The following RBMS2 variants were observed in gnomAD, a reference collection of about 807,000 sequenced individuals.
RBMS2 encodes RNA binding motif single stranded interacting protein 2, also known as RNA-binding motif, single-stranded-interacting protein 2.
In RBMS2, 38 loss-of-function variants were observed where a neutral mutation model predicts 58.4. That is an observed-to-expected ratio of 0.65 (90% CI 0.50 to 0.85). RBMS2 has a LOEUF of 0.85. RBMS2 is among the 40% of genes least tolerant of loss of function. The probability of loss-of-function intolerance (pLI) is 0.00; values close to 1 mark genes in which losing one functional copy is unlikely to be tolerated. For missense variants in RBMS2, 367 were observed against 503.7 expected (o/e 0.73, Z 2.60); for synonymous variants, 151 against 180.7 (o/e 0.84, Z 1.32).
At chr12:56,534,796 C>A (rs1218440115) in intron 1 of RBMS2, among the ~76,000 whole-genome samples, 1 of 152,092 alleles carries the variant, frequency 6.6e-6, no homozygotes, top group East Asian at 1.9e-4. Context: ...CGCCCGCCAC[C>A]ATGCCCGGCT....
Position 56,589,350 on chromosome 12 carries a change from A to T in RBMS2, c.*217A>T. 8.2e-7 allele frequency: 1 copy of T among 1,222,118 alleles called. No individual in the cohort carries two copies. The allele number at this position is 1,222,118 out of a possible 1,614,324, so 75.7% of individuals were successfully genotyped here. Reference sequence around the variant, plus strand: ...GCTGATGGAGCCTGGGGGAACCATCACTTTTTTTGTGTGCTACATTCAAGG... The same window carrying T: ...GCTGATGGAGCCTGGGGGAACCATCTCTTTTTTTGTGTGCTACATTCAAGG... On this transcript the variant is annotated 3_prime_UTR_variant, in exon 14 of 14. Coordinates refer to ENST00000262031, the MANE Select transcript of RBMS2 (RefSeq NM_002898.4).
Position 56,588,223 on chromosome 12 carries a change from T to A in RBMS2, c.1063-71T>A. On this transcript the variant is annotated intron_variant, in intron 11 of 13. Transcript: ENST00000262031. Reference sequence around the variant, plus strand: ...AGAATACAGGTGTCAGTATTTTTTTTAAAGCCCCTCAGCTGCTTCAAATGT... The same window carrying A: ...AGAATACAGGTGTCAGTATTTTTTTAAAAGCCCCTCAGCTGCTTCAAATGT... 5.7e-6 allele frequency: 7 copies of A among 1,237,562 alleles called. No homozygotes were observed. The Admixed American group carries it at 7.2e-5, about 13-fold the overall frequency. The allele number at this position is 1,237,562 out of a possible 1,614,324, so 76.7% of individuals were successfully genotyped here.
At chr12:56,577,426 TAAATA>T (rs549932242) in intron 5 of RBMS2, among the ~76,000 whole-genome samples, 200 of 150,100 alleles carry the variant, frequency 1.3e-3, no homozygotes, top group Non-Finnish European at 2.0e-3. Flanking sequence ...ATAATAATAA[TAAATA>T]AAATAAAATA....
At chr12:56,566,519 G>T (rs1009898096) in intron 2 of RBMS2, among the ~76,000 whole-genome samples, 3 of 152,150 alleles carry the variant, frequency 2.0e-5, no homozygotes, top group African/African-American at 7.2e-5. Context: ...TCAAAAAGTT[G>T]AAAAACACAA....
intron 2 of RBMS2, among the ~76,000 whole-genome samples, chr12:56,567,613 G>A (rs989016863): frequency 1.3e-5 from 2 of 152,120 alleles, no homozygotes; most frequent in Admixed American, 1.3e-4. Flanking sequence ...AAGGCAGCAG[G>A]ACTGCTTGAG....
chr12:56,567,710 C>CAA (rs1267868536), intron 2 of RBMS2, among the ~76,000 whole-genome samples: 1 of 151,306 alleles, frequency 6.6e-6, no homozygotes, highest in East Asian at 2.0e-4. Context: ...TTGTGGTACA[C>CAA]ACCTTTGGTC....
rs550444974 is a variant in RBMS2, at chr12:56,590,298, G to A, written c.*1165G>A. 43 of 152,204 alleles carry A rather than the reference G, an allele frequency of 2.8e-4. No individual in the cohort carries two copies. The highest frequency in any genetic ancestry group is 9.4e-4 in the African/African-American group (39 of 41,444). 9.4% of individuals were successfully genotyped at this position (152,204 alleles called of 1,614,324 possible). On this transcript the variant is annotated 3_prime_UTR_variant, in exon 14 of 14. Coordinates refer to ENST00000262031, the MANE Select transcript of RBMS2 (RefSeq NM_002898.4). ...TCCACATAGGCTCCTTCCACACGGT[G>A]GAAGATCTGCTGCTTCACTCACAGA... is the stretch of plus-strand genomic sequence containing the variant.
At chr12:56,545,809 T>C (rs2694908) in intron 1 of RBMS2, among the ~76,000 whole-genome samples, 143,732 of 152,268 alleles carry the variant, frequency 0.94, 68,218 homozygotes, top group East Asian at 1. Flanking sequence ...GAATATATCA[T>C]ATTTTATTTA....
At chr12:56,562,282 T>C in intron 1 of RBMS2, 135 bp from the exon 2 acceptor site, 1 of 784,532 alleles carries the variant, frequency 1.3e-6, no homozygotes. Flanking sequence ...AGGAACAAAC[T>C]ATGTGTGTCC....
rs575955071 is a variant in RBMS2 at position 56,523,581 on chromosome 12, C to A, written c.66+1492C>A. Among the ~76,000 whole-genome samples the A allele has an allele frequency of 2.4e-3, 369 of 152,176 alleles. 2 individuals carry two copies. Among genetic ancestry groups the A allele is most frequent in the Admixed American group, 5.3e-3 (81 of 15,280 alleles). On this transcript the variant is annotated intron_variant, in intron 1 of 13. Coordinates refer to ENST00000262031, the MANE Select transcript of RBMS2 (RefSeq NM_002898.4). ...ATCACTTGAGGTCAGGAGTTCGAGA[C>A]CAGCCTGGTCAACATGGTGAAACCC...
chr12:56,586,876 G>C lies in RBMS2; in HGVS notation c.901G>C (p.Val301Leu), dbSNP rs1884738816. 1.2e-6 allele frequency: 2 copies of C among 1,613,750 alleles called. No individual in the cohort carries two copies. The highest frequency in any genetic ancestry group is 2.7e-5 in the African/African-American group (2 of 74,926). Residue 301 changes from valine to leucine, a missense_variant, in exon 10 of 14, where the codon GTA (valine) becomes CTA (leucine). This residue lies in a region of RBMS2 where 220 missense variants were observed against 261.1 expected (regional missense o/e 0.84). Transcript: ENST00000262031. The stretch of plus-strand genomic sequence containing the variant: ...AGTGACTCAGACATCTCCTCTACAA[G>C]TACCTAACCCATCCTGGATGCACCA... ...QRVTQTSPLQ[V>L]PNPSWMHHHS...
chr12:56,570,138 C>T (rs1216541643), intron 4 of RBMS2, 148 bp downstream of exon 4: 2 of 640,416 alleles, frequency 3.1e-6, no homozygotes, highest in Non-Finnish European at 5.4e-6. Flanking sequence ...CATGAGCACC[C>T]CTGGCTGCTG....
intron 5 of RBMS2, chr12:56,573,212 C>T (rs1284263517): frequency 1.0e-6 from 1 of 970,746 alleles, no homozygotes; most frequent in Non-Finnish European, 1.2e-6. Flanking sequence ...CGTGGTGGCT[C>T]ACGCCTGTAA....
chr12:56,581,789 C>T, intron 7 of RBMS2, 44 bp from the exon 8 acceptor site: 2 of 1,607,146 alleles, frequency 1.2e-6, no homozygotes, highest in Non-Finnish European at 1.7e-6. Flanking sequence ...CTCCTATTCT[C>T]ACTCAAGGGC....
chr12:56,543,511 CTTT>C (rs78482928), intron 1 of RBMS2, among the ~76,000 whole-genome samples: 1 of 134,578 alleles, frequency 7.4e-6, no homozygotes, highest in African/African-American at 2.7e-5. Context: ...TGAGAGTCAC[CTTT>C]TTTTTTTTTT....
intron 1 of RBMS2, among the ~76,000 whole-genome samples, chr12:56,531,611 A>C (rs1427152026): frequency 6.6e-6 from 1 of 151,124 alleles, no homozygotes; most frequent in East Asian, 2.0e-4. Flanking sequence ...GGCGGATCAG[A>C]GGTCAGGAGT....
chr12:56,587,725 C>T, intron 11 of RBMS2, 61 bp downstream of exon 11: 1 of 1,539,658 alleles, frequency 6.5e-7, no homozygotes, highest in Non-Finnish European at 8.9e-7. Context: ...CTGTGTAATA[C>T]TCTTCAGCGT....
At chr12:56,539,027 T>A (rs76353405) in intron 1 of RBMS2, among the ~76,000 whole-genome samples, 1 of 116,482 alleles carries the variant, frequency 8.6e-6, no homozygotes, top group Non-Finnish European at 1.9e-5. Flanking sequence ...TTTTTTTTTT[T>A]TTTTTTGAGA....
At chr12:56,587,778 G>T in intron 11 of RBMS2, 114 bp downstream of exon 11, 4 of 1,377,902 alleles carry the variant, frequency 2.9e-6, no homozygotes, top group Non-Finnish European at 3.9e-6. Context: ...AGTGTCATCC[G>T]GGGCACACTC....
Sources: gnomAD v4.1 joint callset for allele counts (sites outside exome capture counted in the v4.1 genomes callset) on GRCh38, gnomAD v4.1.1 for gene constraint, gnomAD v4.1.1 regional missense constraint, MANE v1.5 for transcripts, NCBI Gene and HGNC (gene_info 2026-07-23, HGNC 2026-07-21) for gene names.